NAPG: variants seen among roughly 807,000 people sequenced by gnomAD.
The protein encoded by NAPG is NSF attachment protein gamma, also known as gamma-soluble NSF attachment protein.
NAPG carries 25 observed loss-of-function variants against 48.4 expected under a neutral mutation model. That is an observed-to-expected ratio of 0.52 (90% CI 0.38 to 0.72). The LOEUF (loss-of-function observed/expected upper bound fraction) is 0.72. Ranked by LOEUF, NAPG falls within the 30% of genes least tolerant of loss-of-function variation. The pLI, the probability that NAPG is intolerant of heterozygous loss-of-function variation, is 0.00. For missense variants in NAPG, 359 were observed against 372.5 expected, an observed-to-expected ratio of 0.96 and a Z score of 0.30; for synonymous variants, 139 against 127.2, an observed-to-expected ratio of 1.09 and a Z score of -0.62.
At chr18:10,547,009 G>C (rs1265157031) in intron 9 of NAPG, among the ~76,000 whole-genome samples, 1 of 152,220 alleles carries the variant, frequency 6.6e-6, no homozygotes, top group Non-Finnish European at 1.5e-5. Flanking sequence ...ATTCCGGAAA[G>C]GAGAGAGCTG....
chr18:10,527,311 G>C (rs1380222629), intron 1 of NAPG, among the ~76,000 whole-genome samples: 1 of 152,008 alleles, frequency 6.6e-6, no homozygotes, highest in South Asian at 2.1e-4. Flanking sequence ...CTAATTTTTC[G>C]TAAGAGGAAA....
intron 5 of NAPG, among the ~76,000 whole-genome samples, chr18:10,537,139 G>A (rs966463292): frequency 2.0e-5 from 3 of 151,672 alleles, no homozygotes; most frequent in African/African-American, 7.3e-5. Flanking sequence ...TAATTTTTTT[G>A]GTAGAGACTG....
Position 10,548,583 on chromosome 18 carries a change from C to CA in NAPG, c.665+206dup, listed in dbSNP as rs145389141. Among the ~76,000 whole-genome samples the CA allele has an allele frequency of 0.053, 8,040 of 150,994 alleles. 629 individuals are homozygous for CA. The highest frequency in any genetic ancestry group is 0.18 in the African/African-American group (7,233 of 40,912). Reference sequence around the variant, plus strand: ...CCTGTATTTTTCTCTAGGGGACCTCCATGGAAGTGAATGACTTTAGTCATT... The same window carrying CA: ...CCTGTATTTTTCTCTAGGGGACCTCCAATGGAAGTGAATGACTTTAGTCATT... On this transcript the variant is annotated intron_variant, in intron 10 of 11. Transcript: ENST00000322897. The surrounding 1 kb of genome is among the most constrained non-coding windows in gnomAD (Gnocchi z 4.4).
In NAPG at chr18:10,546,080, T is replaced by A. The variant is rs903714352; in HGVS notation, c.507-246T>A. The stretch of plus-strand genomic sequence containing the variant: ...CTTACTAAGCTTAAAACTCCCCGTT[T>A]GACCTAACCCATCCTTGAGTTCTTT... On this transcript the variant is annotated intron_variant, in intron 8 of 11. Transcript: ENST00000322897. This position sits in a 1 kb window ranked among gnomAD's most constrained non-coding sequence, Gnocchi z 4.0. Among the ~76,000 whole-genome samples, 2 of 152,240 alleles carry A rather than the reference T, an allele frequency of 1.3e-5. No individual in the cohort carries two copies. Among genetic ancestry groups the A allele is most frequent in the African/African-American group, 4.8e-5 (2 of 41,472 alleles).
rs1416341640 is a variant in NAPG at position 10,543,837 on chromosome 18, C to T, written c.507-2489C>T. ...TAAGTAACTAATACTTTTCTGGATA[C>T]ATTTAAAAATAGATGGCTTTGTATG... On this transcript the variant is annotated intron_variant, in intron 8 of 11. Coordinates refer to ENST00000322897, the MANE Select transcript of NAPG (RefSeq NM_003826.3). The surrounding 1 kb of genome is among the most constrained non-coding windows in gnomAD (Gnocchi z 4.4). Among the ~76,000 whole-genome samples the T allele has an allele frequency of 6.6e-6, 1 of 152,180 alleles. No individual in the cohort carries two copies. The highest frequency in any genetic ancestry group is 1.5e-5 in the Non-Finnish European group (1 of 68,036).
intron 5 of NAPG, among the ~76,000 whole-genome samples, chr18:10,538,274 G>A (rs2032076236): frequency 6.6e-6 from 1 of 152,188 alleles, no homozygotes; most frequent in South Asian, 2.1e-4. Flanking sequence ...AGGGCATTTG[G>A]AAGTGAAGAG....
rs985046694 is a variant in NAPG at position 10,552,002 on chromosome 18, C to T, written c.*1782C>T. 1 of 152,142 alleles carries T rather than the reference C, an allele frequency of 6.6e-6. No homozygotes were observed. Among genetic ancestry groups the T allele is most frequent in the African/African-American group, 2.4e-5 (1 of 41,444 alleles). The allele number at this position is 152,142 out of a possible 1,614,324, so 9.4% of individuals were successfully genotyped here. On this transcript the variant is annotated 3_prime_UTR_variant, in exon 12 of 12. Coordinates refer to ENST00000322897, the MANE Select transcript of NAPG (RefSeq NM_003826.3). ...AGATCCCATCATTGCAGCTTGTATCCTTTAGATCCAATCGGAAACTTCTGG... is the reference window on the plus strand; with the variant it reads ...AGATCCCATCATTGCAGCTTGTATCTTTTAGATCCAATCGGAAACTTCTGG...
At chr18:10,550,054 A>C in intron 11 of NAPG, 23 bp from the exon 12 acceptor site, 1 of 1,502,328 alleles carries the variant, frequency 6.7e-7, no homozygotes. Context: ...CCAGCTTTTA[A>C]GAACATGTTC....
chr18:10,533,439 G>A (rs1390482247), intron 3 of NAPG, 97 bp from the exon 4 acceptor site: 3 of 1,059,248 alleles, frequency 2.8e-6, no homozygotes, highest in Non-Finnish European at 4.1e-6. Flanking sequence ...AACCAACTGG[G>A]TCAGTGATTT....
Position 10,534,234 on chromosome 18 carries a change from A to G in NAPG, c.228-232A>G, listed in dbSNP as rs2031986815. The stretch of plus-strand genomic sequence containing the variant: ...CTTACTGAGCCTTACTTAATTTTGC[A>G]TCTGCAAAATAAAATCTCTTTAACT... On this transcript the variant is annotated intron_variant, in intron 4 of 11. Transcript: ENST00000322897. This position sits in a 1 kb window ranked among gnomAD's most constrained non-coding sequence, Gnocchi z 5.0. Among the ~76,000 whole-genome samples the G allele has an allele frequency of 6.6e-6, 1 of 152,236 alleles. No individual in the cohort carries two copies. The highest frequency in any genetic ancestry group is 2.4e-5 in the African/African-American group (1 of 41,472).
Position 10,527,867 on chromosome 18 carries a change from G to T in NAPG, c.56+1709G>T, listed in dbSNP as rs75437799. The stretch of plus-strand genomic sequence containing the variant: ...TTGTAGGCATCCAACCAGTGGACTC[G>T]GTTAGATTTGCTTTTGGTGAAAGAA... On this transcript the variant is annotated intron_variant, in intron 1 of 11. Transcript: ENST00000322897. Among the ~76,000 whole-genome samples the T allele has an allele frequency of 6.7e-3, 1,013 of 152,278 alleles. 11 individuals carry two copies. The highest frequency in any genetic ancestry group is 0.022 in the African/African-American group (925 of 41,556).
intron 1 of NAPG, among the ~76,000 whole-genome samples, chr18:10,529,401 A>G (rs553994417): frequency 2.0e-5 from 3 of 152,340 alleles, no homozygotes; most frequent in South Asian, 2.1e-4. Flanking sequence ...TTGTAACACT[A>G]TATACACAAA....
At position 10,540,209 on chromosome 18, in the gene NAPG, A is replaced by G. The variant is rs1442577833; in HGVS notation, c.436-120A>G. ...CTGTTAGAGAGTAGTGAAATGAACT[A>G]GCAGCTTTCGTGTTCCCCCCTTGAT... On this transcript the variant is annotated intron_variant, in intron 7 of 11. Transcript: ENST00000322897. 4.7e-6 allele frequency: 5 copies of G among 1,057,484 alleles called. No homozygotes were observed. The Admixed American group carries it at 9.3e-5, about 20-fold the overall frequency. The allele number at this position is 1,057,484 out of a possible 1,614,324, so 65.5% of individuals were successfully genotyped here. A position where few individuals can be genotyped will look rare whatever the true frequency, so the allele number is the denominator to read the frequency against.
In NAPG at chr18:10,548,254, A is replaced by G. The variant is rs376333183; in HGVS notation, c.586-45A>G. 9 of 1,437,120 alleles carry G rather than the reference A, an allele frequency of 6.3e-6. No individual in the cohort carries two copies. The highest frequency in any genetic ancestry group is 1.4e-5 in the African/African-American group (1 of 71,342). The allele number at this position is 1,437,120 out of a possible 1,614,324, so 89.0% of individuals were successfully genotyped here. A position where few individuals can be genotyped will look rare whatever the true frequency, so the allele number is the denominator to read the frequency against. On this transcript the variant is annotated intron_variant, in intron 9 of 11. Coordinates refer to ENST00000322897, the MANE Select transcript of NAPG (RefSeq NM_003826.3). This position sits in a 1 kb window ranked among gnomAD's most constrained non-coding sequence, Gnocchi z 4.4. ...TCAATACTGCCAGGTTATTGACTTT[A>G]TTAAACAGATGTAAATTTGACCATG...
At position 10,540,530 on chromosome 18, in the gene NAPG, A is replaced by T. The variant is rs190952091; in HGVS notation, c.506+131A>T. The T allele has an allele frequency of 2.5e-5, 16 of 627,584 alleles. No homozygotes were observed. The African/African-American group carries it at 2.8e-4, about 11-fold the overall frequency. The allele number at this position is 627,584 out of a possible 1,614,324, so 38.9% of individuals were successfully genotyped here. On this transcript the variant is annotated intron_variant, in intron 8 of 11. Transcript: ENST00000322897. ...GTAGACACACCAGGCCACACAATAG[A>T]ATATTAACATTTACTAGACAGTAGG...
intron 5 of NAPG, among the ~76,000 whole-genome samples, chr18:10,535,903 C>A (rs559510850): frequency 6.6e-6 from 1 of 152,316 alleles, no homozygotes; most frequent in South Asian, 2.1e-4. Context: ...AGGTTATTAA[C>A]CACAGTTCCT....
chr18:10,526,458 T>C (rs556047043), intron 1 of NAPG: 1 of 406,506 alleles, frequency 2.5e-6, no homozygotes, highest in East Asian at 4.6e-5. Context: ...ACTTGGGCGC[T>C]CTGCTCCTGA....
At chr18:10,532,877 A>G in intron 3 of NAPG, 82 bp downstream of exon 3, 1 of 1,143,284 alleles carries the variant, frequency 8.7e-7, no homozygotes, top group Non-Finnish European at 1.2e-6. Context: ...AATTTACTTT[A>G]CTACCTGTGA....
chr18:10,526,358 A>C (rs2031809977), intron 1 of NAPG, 200 bp downstream of exon 1: 2 of 567,252 alleles, frequency 3.5e-6, no homozygotes, highest in Admixed American at 3.2e-5. Context: ...CGCCTCGGGA[A>C]GCGCCGTGGG....
Sources: gnomAD v4.1 joint callset for allele counts (sites outside exome capture counted in the v4.1 genomes callset) on GRCh38, gnomAD v4.1.1 for gene constraint, Gnocchi (gnomAD v3.1) non-coding constraint, MANE v1.5 for transcripts, NCBI Gene and HGNC (gene_info 2026-07-23, HGNC 2026-07-21) for gene names.